The following SH3PXD2A variants were observed in gnomAD, a reference collection of about 807,000 sequenced individuals.
SH3PXD2A encodes SH3 and PX domains 2A.
In SH3PXD2A, 32 loss-of-function variants were observed where a neutral mutation model predicts 115.2. The observed-to-expected ratio is 0.28, with a 90% CI of 0.21 to 0.37. The LOEUF (loss-of-function observed/expected upper bound fraction) is 0.37. Ranked by LOEUF, SH3PXD2A falls within the 10% of genes least tolerant of loss-of-function variation. SH3PXD2A has a pLI of 1.00. For missense variants in SH3PXD2A, 1,328 were observed against 1,498.7 expected, an observed-to-expected ratio of 0.89 and a Z score of 1.88; for synonymous variants, 610 against 629.1, an observed-to-expected ratio of 0.97 and a Z score of 0.45.
intron 8 of SH3PXD2A, among the ~76,000 whole-genome samples, chr10:103,651,810 T>C (rs1311514994): frequency 6.6e-6 from 1 of 152,236 alleles, no homozygotes; most frequent in Non-Finnish European, 1.5e-5. Flanking sequence ...CAGGTGGCCT[T>C]GACCTCCCCA....
chr10:103,689,997 C>T (rs955111121), intron 6 of SH3PXD2A, among the ~76,000 whole-genome samples: 2 of 152,148 alleles, frequency 1.3e-5, no homozygotes, highest in African/African-American at 4.8e-5. Flanking sequence ...GCTGGAGTGA[C>T]CCTGGGAAGC....
At chr10:103,809,892 G>C (rs1399849091) in intron 1 of SH3PXD2A, among the ~76,000 whole-genome samples, 2 of 151,444 alleles carry the variant, frequency 1.3e-5, no homozygotes, top group African/African-American at 4.9e-5. Context: ...TTTACCATGG[G>C]TGGCCAGGCT....
intron 1 of SH3PXD2A, among the ~76,000 whole-genome samples, chr10:103,805,830 C>T (rs1476593306): frequency 6.6e-6 from 1 of 152,196 alleles, no homozygotes; most frequent in Non-Finnish European, 1.5e-5. Context: ...TTGAGACTGG[C>T]CTGGACAACA....
At chr10:103,801,156 C>T in intron 2 of SH3PXD2A, 126 bp downstream of exon 2, 1 of 640,012 alleles carries the variant, frequency 1.6e-6, no homozygotes, top group Non-Finnish European at 2.9e-6. Context: ...CCTCCTCTGT[C>T]CCTCTGCTCC....
At position 103,811,409 on chromosome 10, in the gene SH3PXD2A, A is replaced by T. The variant is rs578058658; in HGVS notation, c.73-10047T>A. 2.0e-5 allele frequency among the ~76,000 whole-genome samples: 3 copies of T among 152,342 alleles called. No homozygotes were observed. The South Asian group carries it at 6.2e-4, about 32-fold the overall frequency. ...GACTATGTTCCAGGCATTGCTAAGC[A>T]CTTTGTTTGAATTATCTCACTTACT... On this transcript the variant is annotated intron_variant, in intron 1 of 14. Transcript: ENST00000369774.
intron 8 of SH3PXD2A, 68 bp downstream of exon 8, chr10:103,660,915 A>G: frequency 6.4e-7 from 1 of 1,555,736 alleles, no homozygotes; most frequent in Non-Finnish European, 8.8e-7. Context: ...GGAGGGAGGA[A>G]CAAAAACCAG....
intron 1 of SH3PXD2A, among the ~76,000 whole-genome samples, chr10:103,810,379 C>T (rs1220676413): frequency 3.3e-5 from 5 of 152,132 alleles, no homozygotes; most frequent in South Asian, 2.1e-4. Flanking sequence ...GGCAGTGGGA[C>T]GCACACTGAC....
intron 5 of SH3PXD2A, among the ~76,000 whole-genome samples, chr10:103,715,664 T>C (rs1177317888): frequency 6.6e-6 from 1 of 152,234 alleles, no homozygotes; most frequent in Non-Finnish European, 1.5e-5. Flanking sequence ...CCCACAGCAA[T>C]GCTGCTGGTG....
intron 9 of SH3PXD2A, 146 bp downstream of exon 9, chr10:103,626,943 C>T (rs1177251533): frequency 3.4e-6 from 2 of 594,752 alleles, no homozygotes; most frequent in Non-Finnish European, 3.0e-6. Flanking sequence ...GCTTTTGGGC[C>T]AACCTTACTG....
chr10:103,804,302 G>C (rs113867669), intron 1 of SH3PXD2A, among the ~76,000 whole-genome samples: 4 of 143,878 alleles, frequency 2.8e-5, no homozygotes, highest in Non-Finnish European at 6.1e-5. Context: ...TTTTATTTTT[G>C]GTTGACATCA....
intron 6 of SH3PXD2A, among the ~76,000 whole-genome samples, chr10:103,676,325 G>C (rs1004664552): frequency 6.6e-6 from 1 of 152,200 alleles, no homozygotes; most frequent in Admixed American, 6.5e-5. Context: ...TCTGGCCCTG[G>C]GTTATGCAGT....
chr10:103,822,234 CTT>C (rs1374219464), intron 1 of SH3PXD2A, among the ~76,000 whole-genome samples: 1 of 152,240 alleles, frequency 6.6e-6, no homozygotes, highest in African/African-American at 2.4e-5. Flanking sequence ...AATTATTTCT[CTT>C]GAGTAATAGG....
intron 2 of SH3PXD2A, among the ~76,000 whole-genome samples, chr10:103,779,185 C>T (rs1459643071): frequency 6.6e-6 from 1 of 152,258 alleles, no homozygotes; most frequent in African/African-American, 2.4e-5. Flanking sequence ...TCTCCTGCCT[C>T]AGCCTCCCGA....
At chr10:103,719,470 T>C (rs549941005) in intron 5 of SH3PXD2A, among the ~76,000 whole-genome samples, 22 of 152,306 alleles carry the variant, frequency 1.4e-4, no homozygotes, top group Admixed American at 1.2e-3. Context: ...TGTAAGACCA[T>C]AGTGAGGGCT....
At chr10:103,737,813 C>T (rs2038397248) in intron 3 of SH3PXD2A, among the ~76,000 whole-genome samples, 1 of 152,184 alleles carries the variant, frequency 6.6e-6, no homozygotes, top group Admixed American at 6.6e-5. Context: ...ACCCAGGGGC[C>T]ATGAAAACCC....
chr10:103,801,074 G>A (rs1406637041), intron 2 of SH3PXD2A, among the ~76,000 whole-genome samples: 1 of 152,152 alleles, frequency 6.6e-6, no homozygotes, highest in Admixed American at 6.5e-5. Flanking sequence ...CATCAGAGGA[G>A]GCCAACAAAG....
chr10:103,741,169 C>T (rs533058097), intron 3 of SH3PXD2A, among the ~76,000 whole-genome samples: 127 of 152,308 alleles, frequency 8.3e-4, no homozygotes, highest in African/African-American at 2.9e-3. Flanking sequence ...CTGTGCAAAG[C>T]TCTGGAACAA....
rs1160081163 is a variant in SH3PXD2A, at chr10:103,601,622, C to T, written c.*194G>A. ...TCCCTTCCTCACTCAGTGTGGGCAC[C>T]CCCATCCCCTACCTTCCAGCTGTGG... On this transcript the variant is annotated 3_prime_UTR_variant, in exon 15 of 15. Coordinates refer to ENST00000369774, the MANE Select transcript of SH3PXD2A (RefSeq NM_001394015.1). 5 of 566,012 alleles carry T rather than the reference C, an allele frequency of 8.8e-6. No homozygotes were observed. In the South Asian group the frequency reaches 1.1e-4, roughly 12 times the overall value. The allele number at this position is 566,012 out of a possible 1,614,324, so 35.1% of individuals were successfully genotyped here. A position where few individuals can be genotyped will look rare whatever the true frequency, so the allele number is the denominator to read the frequency against.
At chr10:103,759,532 G>A (rs2038677187) in intron 3 of SH3PXD2A, among the ~76,000 whole-genome samples, 1 of 152,236 alleles carries the variant, frequency 6.6e-6, no homozygotes, top group South Asian at 2.1e-4. Flanking sequence ...TTGCTAGTGG[G>A]AGGGGACCTC....
Sources: allele counts gnomAD v4.1 joint callset (sites outside exome capture counted in the v4.1 genomes callset), GRCh38; gene constraint gnomAD v4.1.1; transcripts MANE v1.5; gene names NCBI Gene and HGNC (gene_info 2026-07-23, HGNC 2026-07-21).